AGBL4: variants seen among roughly 807,000 people sequenced by gnomAD.
The protein encoded by AGBL4 is AGBL carboxypeptidase 4, also known as cytosolic carboxypeptidase 6.
AGBL4 carries 58 observed loss-of-function variants against 66.4 expected under a neutral mutation model. That is an observed-to-expected ratio of 0.87 (90% CI 0.71 to 1.09). The LOEUF (loss-of-function observed/expected upper bound fraction) is 1.09, where lower values mean the gene tolerates loss of function less well. Ranked by LOEUF, AGBL4 falls within the 50% of genes least tolerant of loss-of-function variation. The pLI is 0.00. For missense variants in AGBL4, 579 were observed against 631.0 expected (o/e 0.92, Z 0.88); for synonymous variants, 234 against 222.9 (o/e 1.05, Z -0.44).
chr1:49,424,976 T>C (rs565409951), intron 3 of AGBL4, among the ~76,000 whole-genome samples: 14 of 152,242 alleles, frequency 9.2e-5, no homozygotes, highest in African/African-American at 3.4e-4. Context: ...AACCAGCTAA[T>C]CTGATGAGTC....
intron 3 of AGBL4, among the ~76,000 whole-genome samples, chr1:49,364,218 A>G (rs1204109797): frequency 2.0e-5 from 3 of 152,192 alleles, no homozygotes; most frequent in Non-Finnish European, 4.4e-5. Flanking sequence ...TTAAAAATAC[A>G]TTTAGTGTAT....
At chr1:49,313,985 G>T (rs758119824) in intron 3 of AGBL4, among the ~76,000 whole-genome samples, 1 of 152,122 alleles carries the variant, frequency 6.6e-6, no homozygotes, top group East Asian at 1.9e-4. Flanking sequence ...TTCTTCTAGG[G>T]TTTTCATGGT....
At chr1:49,952,572 A>C (rs768647779) in intron 1 of AGBL4, among the ~76,000 whole-genome samples, 12 of 151,924 alleles carry the variant, frequency 7.9e-5, no homozygotes, top group Admixed American at 1.3e-4. Flanking sequence ...AAAAGTAAGA[A>C]TAGCCAATAT....
chr1:49,284,734 T>A (rs1644364250), intron 3 of AGBL4, among the ~76,000 whole-genome samples: 1 of 151,772 alleles, frequency 6.6e-6, no homozygotes, highest in African/African-American at 2.4e-5. Context: ...TAGTCTCTGA[T>A]AAAACACACT....
chr1:50,004,605 C>A (rs975597544), intron 1 of AGBL4, among the ~76,000 whole-genome samples: 27 of 152,100 alleles, frequency 1.8e-4, no homozygotes, highest in African/African-American at 6.3e-4. Flanking sequence ...GGGCCCCAGA[C>A]AGAGTCCTGA....
intron 10 of AGBL4, among the ~76,000 whole-genome samples, chr1:48,589,301 G>A (rs1318718297): frequency 2.6e-5 from 4 of 152,118 alleles, no homozygotes; most frequent in African/African-American, 4.8e-5. Flanking sequence ...TCCTTTCCTG[G>A]TTTGACATTC....
intron 3 of AGBL4, among the ~76,000 whole-genome samples, chr1:49,519,960 G>C (rs926836588): frequency 2.0e-5 from 3 of 152,038 alleles, no homozygotes; most frequent in Admixed American, 1.3e-4. Flanking sequence ...CAGTGAATAA[G>C]GGAAGTCAGA....
At chr1:49,226,261 T>G (rs1351602841) in intron 4 of AGBL4, among the ~76,000 whole-genome samples, 1 of 152,344 alleles carries the variant, frequency 6.6e-6, no homozygotes, top group Non-Finnish European at 1.5e-5. Context: ...AAAATAAGTG[T>G]GTGCACAATA....
intron 6 of AGBL4, among the ~76,000 whole-genome samples, chr1:48,775,992 G>A (rs536813865): frequency 6.6e-6 from 1 of 152,212 alleles, no homozygotes; most frequent in East Asian, 1.9e-4. Flanking sequence ...GGAGGGGCAG[G>A]AGAGTGTGGT....
intron 4 of AGBL4, among the ~76,000 whole-genome samples, chr1:49,166,680 C>A (rs983703569): frequency 6.6e-6 from 1 of 152,100 alleles, no homozygotes; most frequent in Admixed American, 6.6e-5. Flanking sequence ...CCTTATACCT[C>A]CTGTCAAACC....
intron 6 of AGBL4, among the ~76,000 whole-genome samples, chr1:48,838,379 A>G (rs555911872): frequency 2.4e-4 from 36 of 152,266 alleles, no homozygotes; most frequent in Admixed American, 2.4e-3. Context: ...ACCCAGAAAT[A>G]AATCCACGTA....
At chr1:49,842,339 G>A in intron 2 of AGBL4, 1 of 553,432 alleles carries the variant, frequency 1.8e-6, no homozygotes. Flanking sequence ...GGAGCAAGAG[G>A]CAGAGCCATG....
chr1:49,601,084 G>A (rs1644949395), intron 3 of AGBL4, among the ~76,000 whole-genome samples: 1 of 152,030 alleles, frequency 6.6e-6, no homozygotes, highest in Non-Finnish European at 1.5e-5. Flanking sequence ...TTCAACCTTG[G>A]TGAATCTGAC....
intron 1 of AGBL4, among the ~76,000 whole-genome samples, chr1:49,939,213 A>T (rs1337433187): frequency 1.3e-5 from 2 of 151,418 alleles, no homozygotes; most frequent in African/African-American, 4.8e-5. Context: ...GGATACAAAC[A>T]AATGGAAGAA....
chr1:48,734,816 G>A (rs535546366), intron 6 of AGBL4, among the ~76,000 whole-genome samples: 1 of 152,284 alleles, frequency 6.6e-6, no homozygotes, highest in Admixed American at 6.5e-5. Context: ...TGAAGTTATC[G>A]AGCTTGTTCC....
chr1:49,431,123 C>T (rs959915101), intron 3 of AGBL4, among the ~76,000 whole-genome samples: 1 of 152,104 alleles, frequency 6.6e-6, no homozygotes, highest in Admixed American at 6.6e-5. Flanking sequence ...CATTAATATA[C>T]ATTTCTGTTG....
At chr1:49,181,094 G>C (rs1212353416) in intron 4 of AGBL4, among the ~76,000 whole-genome samples, 1 of 152,082 alleles carries the variant, frequency 6.6e-6, no homozygotes, top group Non-Finnish European at 1.5e-5. Flanking sequence ...GGCAGGGAGG[G>C]ACAAGGACAT....
intron 3 of AGBL4, among the ~76,000 whole-genome samples, chr1:49,613,461 G>C (rs1301162759): frequency 6.6e-6 from 1 of 152,206 alleles, no homozygotes; most frequent in Non-Finnish European, 1.5e-5. Flanking sequence ...TGAGCGGCAG[G>C]CAAGCGAGTG....
At chr1:49,863,824 T>TGGTGGGAATG in intron 1 of AGBL4, among the ~76,000 whole-genome samples, 1 of 152,336 alleles carries the variant, frequency 6.6e-6, no homozygotes, top group Non-Finnish European at 1.5e-5. Flanking sequence ...TGTATACTGT[T>TGGTGGGAATG]GGTGGGAATG....
Sources: allele counts gnomAD v4.1 joint callset (sites outside exome capture counted in the v4.1 genomes callset), GRCh38; gene constraint gnomAD v4.1.1; transcripts MANE v1.5; gene names NCBI Gene and HGNC (gene_info 2026-07-23, HGNC 2026-07-21).